NXPH1: variants seen among roughly 807,000 people sequenced by gnomAD.
NXPH1 encodes the protein neurexophilin 1, also known as neurexophilin-1.
NXPH1 carries 5 observed loss-of-function variants against 23.7 expected under a neutral mutation model. The observed-to-expected ratio is 0.21, with a 90% CI of 0.11 to 0.44. NXPH1 has a LOEUF of 0.44. NXPH1 is among the 20% of genes least tolerant of loss of function. The pLI, the probability that NXPH1 is intolerant of heterozygous loss-of-function variation, is 0.99. For synonymous variants in NXPH1, 144 were observed against 122.2 expected (o/e 1.18, Z -1.18); for missense variants, 324 against 321.6 (o/e 1.01, Z -0.06).
At chr7:8,578,082 T>A (rs1562409392) in intron 2 of NXPH1, among the ~76,000 whole-genome samples, 1 of 152,190 alleles carries the variant, frequency 6.6e-6, no homozygotes, top group African/African-American at 2.4e-5. Context: ...TCAATGTTTC[T>A]TATTGTTTTA....
chr7:8,716,558 C>G (rs1779881833), intron 2 of NXPH1, among the ~76,000 whole-genome samples: 1 of 152,070 alleles, frequency 6.6e-6, no homozygotes, highest in Admixed American at 6.6e-5. Flanking sequence ...TCTGCATTAC[C>G]AAAGGGCAAA....
chr7:8,471,036 G>A (rs1816864355), intron 2 of NXPH1, among the ~76,000 whole-genome samples: 3 of 152,074 alleles, frequency 2.0e-5, no homozygotes, highest in African/African-American at 7.2e-5. Context: ...ATTTTTTTGG[G>A]TGATTGGGGT....
intron 2 of NXPH1, among the ~76,000 whole-genome samples, chr7:8,461,201 C>G (rs111893775): frequency 1.3e-5 from 2 of 152,142 alleles, no homozygotes; most frequent in East Asian, 3.9e-4. Flanking sequence ...TCTAATTGTT[C>G]AGTTTTCAAT....
At chr7:8,737,108 T>C (rs747763263) in intron 2 of NXPH1, among the ~76,000 whole-genome samples, 2 of 152,202 alleles carry the variant, frequency 1.3e-5, no homozygotes, top group Admixed American at 1.3e-4. Flanking sequence ...TGTCTTTTAA[T>C]TGGAGCTTTT....
At chr7:8,665,902 GTTTTTTT>G (rs1366726496) in intron 2 of NXPH1, among the ~76,000 whole-genome samples, 2 of 73,980 alleles carry the variant, frequency 2.7e-5, no homozygotes, top group Non-Finnish European at 6.6e-5. Context: ...GTTCTAAGAG[GTTTTTTT>G]TTCTTTTTCT....
At chr7:8,475,424 G>T (rs1464807417) in intron 2 of NXPH1, among the ~76,000 whole-genome samples, 2 of 152,086 alleles carry the variant, frequency 1.3e-5, no homozygotes, top group Non-Finnish European at 2.9e-5. Flanking sequence ...AGGTATGTGA[G>T]GGAAAATTAG....
chr7:8,591,024 A>G (rs1819084001), intron 2 of NXPH1, among the ~76,000 whole-genome samples: 1 of 152,100 alleles, frequency 6.6e-6, no homozygotes, highest in African/African-American at 2.4e-5. Context: ...CAGTTTCAGA[A>G]GTGTTTAATT....
At chr7:8,727,996 T>C (rs1439897281) in intron 2 of NXPH1, among the ~76,000 whole-genome samples, 2 of 151,430 alleles carry the variant, frequency 1.3e-5, no homozygotes, top group African/African-American at 4.9e-5. Flanking sequence ...CATTTGTTTG[T>C]ATCCTCTTTT....
At chr7:8,672,847 C>A (rs1264506822) in intron 2 of NXPH1, among the ~76,000 whole-genome samples, 4 of 152,138 alleles carry the variant, frequency 2.6e-5, no homozygotes, top group African/African-American at 7.2e-5. Context: ...TTCCTCATTA[C>A]TTTTCTTGGC....
intron 2 of NXPH1, among the ~76,000 whole-genome samples, chr7:8,718,752 T>C (rs1055877368): frequency 6.6e-6 from 1 of 152,214 alleles, no homozygotes; most frequent in East Asian, 1.9e-4. Context: ...AAACCACTTA[T>C]ATTTGAAACC....
chr7:8,575,222 G>A (rs1009932139), intron 2 of NXPH1, among the ~76,000 whole-genome samples: 1 of 152,086 alleles, frequency 6.6e-6, no homozygotes, highest in African/African-American at 2.4e-5. Flanking sequence ...AAATAAATCA[G>A]GTCAGTTCTC....
chr7:8,635,164 A>G (rs1445891058), intron 2 of NXPH1, among the ~76,000 whole-genome samples: 1 of 152,178 alleles, frequency 6.6e-6, no homozygotes, highest in East Asian at 1.9e-4. Context: ...CAAGTGGAAA[A>G]AAATGCTATG....
chr7:8,540,372 G>A (rs956038059), intron 2 of NXPH1, among the ~76,000 whole-genome samples: 3 of 151,752 alleles, frequency 2.0e-5, no homozygotes, highest in Non-Finnish European at 4.4e-5. Flanking sequence ...TGTGTGAAAC[G>A]ACAAGTTTAA....
At chr7:8,593,477 TTTCTC>T (rs545073090) in intron 2 of NXPH1, among the ~76,000 whole-genome samples, 91 of 152,146 alleles carry the variant, frequency 6.0e-4, no homozygotes, top group African/African-American at 1.9e-3. Flanking sequence ...AAAAAGTTGA[TTTCTC>T]TTCCCTTGTG....
chr7:8,476,940 T>C (rs1312171437), intron 2 of NXPH1, among the ~76,000 whole-genome samples: 5 of 152,296 alleles, frequency 3.3e-5, no homozygotes, highest in Admixed American at 1.3e-4. Flanking sequence ...TATTTCCTTA[T>C]ACTTGCCTTC....
At chr7:8,557,158 T>C (rs1818371109) in intron 2 of NXPH1, among the ~76,000 whole-genome samples, 1 of 151,706 alleles carries the variant, frequency 6.6e-6, no homozygotes, top group Non-Finnish European at 1.5e-5. Context: ...TTTGGGTCCA[T>C]ACATGTGCTT....
At chr7:8,691,470 C>A (rs138721711) in intron 2 of NXPH1, among the ~76,000 whole-genome samples, 2 of 152,266 alleles carry the variant, frequency 1.3e-5, no homozygotes, top group African/African-American at 2.4e-5. Flanking sequence ...TTCTTAATGT[C>A]ACCTCTACAA....
chr7:8,638,447 T>C lies in NXPH1; in HGVS notation c.55-112561T>C, dbSNP rs879596259. Among the ~76,000 whole-genome samples, 3 of 152,210 alleles carry C rather than the reference T, an allele frequency of 2.0e-5. No homozygotes were observed. The East Asian group carries it at 5.8e-4, about 29-fold the overall frequency. ...TTACCACAGCTAGTGCTATTCTCATTCAAATATACCAGTAAACCAAGGAAT... is the reference window on the plus strand; with the variant it reads ...TTACCACAGCTAGTGCTATTCTCATCCAAATATACCAGTAAACCAAGGAAT... On this transcript the variant is annotated intron_variant, in intron 2 of 2. Coordinates refer to ENST00000405863, the MANE Select transcript of NXPH1 (RefSeq NM_152745.3).
Position 8,751,718 on chromosome 7 carries a change from G to A in NXPH1, c.765G>A (p.Val255=), listed in dbSNP as rs200983135. Residue 255 remains valine, a synonymous_variant, in exon 3 of 3, where the codon GTG becomes GTA. Transcript: ENST00000405863. The surrounding 1 kb of genome is among the most constrained non-coding windows in gnomAD (Gnocchi z 4.5). ...CAGATTATAAACTGGTACAGAAAGT[G>A]TGCCCTGACTACAACTACCACAGTG... The part of the protein sequence containing the change: ...YSTDYKLVQK[V]CPDYNYHSDT... 602 of 1,612,822 alleles carry A rather than the reference G, an allele frequency of 3.7e-4. No homozygotes were observed. Among genetic ancestry groups the A allele is most frequent in the Middle Eastern group, 3.3e-3 (20 of 6,054 alleles).
Sources: allele counts gnomAD v4.1 joint callset (sites outside exome capture counted in the v4.1 genomes callset), GRCh38; gene constraint gnomAD v4.1.1; non-coding constraint Gnocchi (gnomAD v3.1); transcripts MANE v1.5; gene names NCBI Gene and HGNC (gene_info 2026-07-23, HGNC 2026-07-21).